Variants in TRANK1 observed in about 807,000 individuals in gnomAD.
TRANK1 encodes the protein TPR and ankyrin repeat-containing protein 1.
Under a neutral mutation model 266.0 loss-of-function variants are expected in TRANK1, and 198 were observed. The observed-to-expected ratio is 0.74, with a 90% CI of 0.66 to 0.84. TRANK1 has a LOEUF of 0.84. Among genes scored for constraint, TRANK1 ranks in the 40% least tolerant of loss-of-function variants. TRANK1 has a pLI of 0.00. For synonymous variants in TRANK1, 1,396 were observed against 1,384.1 expected (o/e 1.01, Z -0.19); for missense variants, 3,326 against 3,634.6 (o/e 0.92, Z 2.18).
chr3:36,830,923 C>T lies in TRANK1; in HGVS notation c.8660G>A (p.Arg2887Lys), dbSNP rs2078683941. ...MLQKVQEHIK[R>K]VSDMVEDLYR... ...GAGGTCCTCCACCATATCCGAAACC[C>T]TCTTGATGTGCTCCTGGACCTTCTG... Residue 2887 changes from arginine (R) to lysine (K), a missense_variant, in exon 22 of 24, where the codon AGG becomes AAG. Coordinates refer to ENST00000645898, the MANE Select transcript of TRANK1 (RefSeq NM_001329998.2). 6.2e-7 allele frequency: 1 copy of T among 1,613,704 alleles called. No homozygotes were observed. Among genetic ancestry groups the T allele is most frequent in the Admixed American group, 1.7e-5 (1 of 59,996 alleles).
intron 1 of TRANK1, among the ~76,000 whole-genome samples, chr3:36,910,067 T>C (rs1442374875): frequency 6.6e-6 from 1 of 152,214 alleles, no homozygotes; most frequent in Non-Finnish European, 1.5e-5. Flanking sequence ...TATCCCTCCG[T>C]TATAAATAGC....
Position 36,832,076 on chromosome 3 carries a change from C to T in TRANK1, c.7507G>A (p.Val2503Met). 1.9e-6 allele frequency: 3 copies of T among 1,614,006 alleles called. No individual in the cohort carries two copies. The South Asian group carries it at 3.3e-5, about 18-fold the overall frequency. ...TTGTATTCCTGAATGATGGAGAACA[C>T]ATCCCCAAGCTCCTTGTCCTTCTTG... is the stretch of plus-strand genomic sequence containing the variant. ...FSKKDKELGD[V>M]FSIIQEYKPK... is the part of the protein sequence containing the mutation. The change falls in exon 22 of 24, where the codon GTG becomes ATG. Residue 2503 changes from valine to methionine, a missense_variant. Val to Met is a conservative substitution (Grantham distance 21). Coordinates refer to ENST00000645898, the MANE Select transcript of TRANK1 (RefSeq NM_001329998.2).
chr3:36,879,907 C>CAAATAT (rs1559449312), intron 8 of TRANK1, among the ~76,000 whole-genome samples: 50 of 19,342 alleles, frequency 2.6e-3, no homozygotes, highest in Non-Finnish European at 3.7e-3. Flanking sequence ...TATATGTAAA[C>CAAATAT]ATGCAAATAT....
Position 36,852,136 on chromosome 3 carries a change from A to G in TRANK1, c.4749+10T>C. 1 of 1,567,926 alleles carries G rather than the reference A, an allele frequency of 6.4e-7. No individual in the cohort carries two copies. ...TTTTATTTCAAAACATAAAATCCCA[A>G]GCAGCTCACCTGGTGGGCTCCAAAT... On this transcript the variant is annotated intron_variant, in intron 14 of 23. Coordinates refer to ENST00000645898, the MANE Select transcript of TRANK1 (RefSeq NM_001329998.2).
chr3:36,855,218 G>A lies in TRANK1; in HGVS notation c.4504C>T (p.Pro1502Ser). The part of the protein sequence containing the change: ...TIDKQCAVRK[P>S]KKIHQLYQNY... ...TGGTACAGCTGGTGGATCTTCTTGG[G>A]CTTCCGGACAGCACACTGCTTGTCT... The change falls in exon 13 of 24, where the codon CCC (proline) becomes TCC (serine). Residue 1502 changes from proline to serine, a missense_variant. Transcript: ENST00000645898. 1 of 1,613,788 alleles carries A rather than the reference G, an allele frequency of 6.2e-7. No individual in the cohort carries two copies. Among genetic ancestry groups the A allele is most frequent in the Non-Finnish European group, 8.5e-7 (1 of 1,179,706 alleles).
intron 13 of TRANK1, among the ~76,000 whole-genome samples, chr3:36,852,960 A>G (rs1372792936): frequency 6.6e-6 from 1 of 151,882 alleles, no homozygotes; most frequent in African/African-American, 2.4e-5. Flanking sequence ...GGCCTCCATC[A>G]CCCTTTTCCC....
At chr3:36,930,021 T>C (rs1328685237) in intron 1 of TRANK1, among the ~76,000 whole-genome samples, 4 of 152,200 alleles carry the variant, frequency 2.6e-5, no homozygotes, top group African/African-American at 9.6e-5. Context: ...ATTACAGGCA[T>C]GTGCCACCAC....
At chr3:36,846,195 T>G in intron 17 of TRANK1, 53 bp downstream of exon 17, 1 of 1,490,336 alleles carries the variant, frequency 6.7e-7, no homozygotes, top group South Asian at 1.3e-5. Context: ...ATAAGAACAG[T>G]TGAGAGAAAC....
Position 36,832,509 on chromosome 3 carries a change from G to A in TRANK1, c.7074C>T (p.Tyr2358=), listed in dbSNP as rs764094565. The A allele has an allele frequency of 6.2e-7, 1 of 1,613,896 alleles. No individual in the cohort carries two copies. The highest frequency in any genetic ancestry group is 1.1e-5 in the South Asian group (1 of 91,080). ...EKLLHQEEDN[Y]NRELKALESE... The stretch of plus-strand genomic sequence containing the variant: ...ACTCTAGAGCTTTGAGTTCCCTGTT[G>A]TAGTTGTCCTCCTCCTGGTGGAGCA... The change falls in exon 22 of 24, where the codon TAC becomes TAT. Residue 2358 remains tyrosine (Y), a synonymous_variant. Coordinates refer to ENST00000645898, the MANE Select transcript of TRANK1 (RefSeq NM_001329998.2).
rs566895072 is a variant in TRANK1, at chr3:36,944,691, GGGTCGCCA to G, written c.23+88_23+95del. The G allele has an allele frequency of 2.6e-4, 363 of 1,418,052 alleles. 1 individual carries two copies. The African/African-American group carries it at 5.1e-3, about 20-fold the overall frequency. 87.8% of individuals were successfully genotyped at this position (1,418,052 alleles called of 1,614,324 possible). A position where few individuals can be genotyped will look rare whatever the true frequency, so the allele number is the denominator to read the frequency against. On this transcript the variant is annotated intron_variant, in intron 1 of 23. Coordinates refer to ENST00000645898, the MANE Select transcript of TRANK1 (RefSeq NM_001329998.2). ...GCGGGCCCGTTCGGCCGCTACCTCAGGGTCGCCAGTCCCCGCGCGCGGCCGCCTCCCGC... is the reference window on the plus strand; with the variant it reads ...GCGGGCCCGTTCGGCCGCTACCTCAGGTCCCCGCGCGCGGCCGCCTCCCGC...
chr3:36,862,741 G>C (rs1292133311), intron 10 of TRANK1, among the ~76,000 whole-genome samples: 1 of 152,212 alleles, frequency 6.6e-6, no homozygotes, highest in Non-Finnish European at 1.5e-5. Context: ...GGACAAGTCA[G>C]AGATTAGAGA....
At chr3:36,846,509 A>C in intron 16 of TRANK1, 105 bp from the exon 17 acceptor site, 1 of 1,155,820 alleles carries the variant, frequency 8.7e-7, no homozygotes, top group Non-Finnish European at 1.2e-6. Context: ...CAAAAACTAA[A>C]TTTTAGAGAA....
At chr3:36,879,312 A>G (rs924855640) in intron 8 of TRANK1, among the ~76,000 whole-genome samples, 4 of 151,816 alleles carry the variant, frequency 2.6e-5, no homozygotes, top group Non-Finnish European at 5.9e-5. Context: ...TCCCTACTGC[A>G]GAGGAAATAA....
At chr3:36,862,591 A>G (rs993147914) in intron 10 of TRANK1, among the ~76,000 whole-genome samples, 2 of 152,294 alleles carry the variant, frequency 1.3e-5, no homozygotes, top group African/African-American at 4.8e-5. Flanking sequence ...TGTGATTTGG[A>G]CCTAAGCCAA....
intron 1 of TRANK1, among the ~76,000 whole-genome samples, chr3:36,922,332 G>A (rs1164450541): frequency 1.3e-5 from 2 of 152,116 alleles, no homozygotes; most frequent in African/African-American, 2.4e-5. Flanking sequence ...AGGGCCGGGC[G>A]CAGTGGCTCA....
rs779860547 is a variant in TRANK1 at position 36,828,303 on chromosome 3, C to T, written c.8882G>A (p.Arg2961Gln). Reference protein sequence around the residue: ...FGELRPRRRSRKCGKQRKY With the variant: ...FGELRPRRRSQKCGKQRKY ...GTATTTTCTCTGCTTTCCACATTTC[C>T]GAGAACGCCTTCTAGGCCGAAGCTC... is the stretch of plus-strand genomic sequence containing the variant. Residue 2961 changes from arginine to glutamine, a missense_variant, in exon 24 of 24, where the codon CGG (arginine) becomes CAG (glutamine). Transcript: ENST00000645898. 2.0e-5 allele frequency: 32 copies of T among 1,612,576 alleles called. No individual in the cohort carries two copies. The East Asian group carries it at 2.2e-4, about 11-fold the overall frequency.
chr3:36,850,240 G>T (rs980315689), intron 15 of TRANK1: 3 of 985,340 alleles, frequency 3.0e-6, no homozygotes, highest in Admixed American at 6.1e-5. Context: ...GGTAAAAATG[G>T]TTCCAGGGTT....
chr3:36,894,170 T>G (rs1176528399), intron 5 of TRANK1, among the ~76,000 whole-genome samples: 1 of 152,204 alleles, frequency 6.6e-6, no homozygotes, highest in East Asian at 1.9e-4. Context: ...GGCCCTCCCT[T>G]GACTGGCTGG....
chr3:36,883,271 T>G (rs2079555609), intron 8 of TRANK1, among the ~76,000 whole-genome samples: 1 of 151,718 alleles, frequency 6.6e-6, no homozygotes, highest in Admixed American at 6.6e-5. Flanking sequence ...CAAAACTCTG[T>G]CTCTACCAAC....
Sources: allele counts gnomAD v4.1 joint callset (sites outside exome capture counted in the v4.1 genomes callset), GRCh38; gene constraint gnomAD v4.1.1; transcripts MANE v1.5; gene names NCBI Gene and HGNC (gene_info 2026-07-23, HGNC 2026-07-21).